PIGG: variants seen among roughly 807,000 people sequenced by gnomAD.
The protein encoded by PIGG is phosphatidylinositol glycan anchor biosynthesis class G (EMM blood group), also known as GPI ethanolamine phosphate transferase 2, catalytic subunit.
A neutral mutation model predicts 83.2 loss-of-function variants in PIGG; 70 were observed. The ratio of observed to expected loss-of-function variants is 0.84; its 90% confidence interval spans 0.69 to 1.03. PIGG has a LOEUF of 1.03. Among genes scored for constraint, PIGG ranks in the 50% least tolerant of loss-of-function variants. PIGG has a pLI of 0.00. For synonymous variants in PIGG, 532 were observed against 519.5 expected (o/e 1.02, Z -0.33); for missense variants, 1,257 against 1,233.6 (o/e 1.02, Z -0.28).
chr4:512,789 T>A (rs1388356327), intron 5 of PIGG, among the ~76,000 whole-genome samples: 1 of 152,044 alleles, frequency 6.6e-6, no homozygotes, highest in African/African-American at 2.4e-5. Context: ...CACTCCAGCT[T>A]GGCGACGGAG....
At chr4:524,336 C>CCTGAGG (rs906083691) in intron 9 of PIGG, among the ~76,000 whole-genome samples, 2 of 152,186 alleles carry the variant, frequency 1.3e-5, no homozygotes, top group African/African-American at 4.8e-5. Context: ...TAAAGAAACA[C>CCTGAGG]CTGAGGCCGG....
chr4:508,379 G>GGA (rs1720603883), intron 4 of PIGG, among the ~76,000 whole-genome samples: 1 of 152,246 alleles, frequency 6.6e-6, no homozygotes, highest in African/African-American at 2.4e-5. Flanking sequence ...AAGGATGTGT[G>GGA]GCTGCAACCC....
At chr4:512,772 A>AC (rs1722595366) in intron 5 of PIGG, among the ~76,000 whole-genome samples, 1 of 152,032 alleles carries the variant, frequency 6.6e-6, no homozygotes. Context: ...CCGAGATCGC[A>AC]CCACTGCACT....
chr4:503,866 A>ACT (rs1423117570), intron 2 of PIGG, among the ~76,000 whole-genome samples: 1 of 151,844 alleles, frequency 6.6e-6, no homozygotes, highest in Non-Finnish European at 1.5e-5. Context: ...ACACACACAC[A>ACT]CACACACACA....
At chr4:504,480 A>G (rs536819713) in intron 2 of PIGG, among the ~76,000 whole-genome samples, 2 of 152,326 alleles carry the variant, frequency 1.3e-5, no homozygotes, top group South Asian at 2.1e-4. Flanking sequence ...AATCTGTTCT[A>G]TAATTTTGGT....
At chr4:522,303 G>A in intron 8 of PIGG, 1 of 502,764 alleles carries the variant, frequency 2.0e-6, no homozygotes, top group Non-Finnish European at 3.6e-6. Flanking sequence ...TGTGGGAGCT[G>A]CAGCTGAGGG....
At chr4:500,983 A>G in intron 2 of PIGG, 1 of 389,256 alleles carries the variant, frequency 2.6e-6, no homozygotes, top group Non-Finnish European at 5.0e-6. Flanking sequence ...TATAGATAGG[A>G]AAGCAAACTC....
At position 528,360 on chromosome 4, in the gene PIGG, AGT is replaced by A; in HGVS notation, c.2261+1133_2261+1134del. 1.0e-6 allele frequency: 1 copy of A among 985,342 alleles called. No homozygotes were observed. Among genetic ancestry groups the A allele is most frequent in the Non-Finnish European group, 1.2e-6 (1 of 829,876 alleles). The allele number at this position is 985,342 out of a possible 1,614,324, so 61.0% of individuals were successfully genotyped here. On this transcript the variant is annotated intron_variant, in intron 10 of 12. Transcript: ENST00000453061. The surrounding 1 kb of genome is among the most constrained non-coding windows in gnomAD (Gnocchi z 4.8). ...ATCTTAGCGATGTCTAGAGTTAATA[AGT>A]GTTGCTTTTCTAATCACAGCAAGTC...
rs758654390 is a variant in PIGG, at chr4:530,694, T to C, written c.2520T>C (p.Ala840=). 1.9e-6 allele frequency: 3 copies of C among 1,613,726 alleles called. No individual in the cohort carries two copies. The African/African-American group carries it at 4.0e-5, about 22-fold the overall frequency. Residue 840 remains alanine, a synonymous_variant, in exon 11 of 13, where the codon GCT becomes GCC. Coordinates refer to ENST00000453061, the MANE Select transcript of PIGG (RefSeq NM_001127178.3). ...GGAAGCCCCTGAGACACGATGCAGC[T>C]GAGATTACTGTGATGCATTATTGGT... ...FIWKPLRHDA[A]EITVMHYWFG...
chr4:527,463 C>G, intron 10 of PIGG: 2 of 1,280,960 alleles, frequency 1.6e-6, no homozygotes, highest in East Asian at 6.3e-5. Context: ...TTATGTGTTA[C>G]TTTTAGGAGA....
At chr4:508,155 G>A (rs1720505514) in intron 4 of PIGG, among the ~76,000 whole-genome samples, 2 of 152,366 alleles carry the variant, frequency 1.3e-5, no homozygotes, top group South Asian at 2.1e-4. Flanking sequence ...GAGTAAATAA[G>A]TATGTGAGGA....
chr4:522,023 C>A, intron 8 of PIGG, 82 bp downstream of exon 8: 1 of 1,480,798 alleles, frequency 6.8e-7, no homozygotes, highest in South Asian at 1.1e-5. Context: ...CTTTCGTTTA[C>A]CAGACTCTGG....
At position 527,041 on chromosome 4, in the gene PIGG, C is replaced by T; in HGVS notation, c.2072C>T (p.Ser691Phe). The stretch of plus-strand genomic sequence containing the variant: ...TGGCATTTTCCATCTCATTTCAGCT[C>T]TGACCACAAAGCCGAGCTCTCTGTC... The part of the protein sequence containing the change: ...RPDLGHWLTS[S>F]DHKAELSVLA... The change falls in exon 10 of 13, where the codon TCT becomes TTT. Residue 691 changes from serine to phenylalanine, a missense_variant and splice_region_variant. By Grantham distance (155) the Ser-to-Phe change is radical. Coordinates refer to ENST00000453061, the MANE Select transcript of PIGG (RefSeq NM_001127178.3). 1 of 1,614,184 alleles carries T rather than the reference C, an allele frequency of 6.2e-7. No homozygotes were observed. Among genetic ancestry groups the T allele is most frequent in the Non-Finnish European group, 8.5e-7 (1 of 1,180,024 alleles).
chr4:534,091 C>A, intron 12 of PIGG, 110 bp downstream of exon 12: 1 of 891,672 alleles, frequency 1.1e-6, no homozygotes, highest in Non-Finnish European at 1.7e-6. Flanking sequence ...GTCCAACAGT[C>A]TTTTCAACAG....
intron 12 of PIGG, among the ~76,000 whole-genome samples, chr4:537,970 C>G (rs551872417): frequency 5.9e-5 from 9 of 151,638 alleles, no homozygotes; most frequent in Admixed American, 3.3e-4. Context: ...CTGAGGAGCC[C>G]TTTACAGGAC....
At chr4:506,416 A>G (rs1463413246) in intron 3 of PIGG, among the ~76,000 whole-genome samples, 3 of 152,192 alleles carry the variant, frequency 2.0e-5, no homozygotes, top group African/African-American at 7.2e-5. Flanking sequence ...TCCAACAAAA[A>G]TTAGACCTGC....
intron 6 of PIGG, among the ~76,000 whole-genome samples, chr4:518,772 C>G (rs371671104): frequency 3.9e-5 from 6 of 152,154 alleles, no homozygotes; most frequent in Middle Eastern, 6.8e-3. Flanking sequence ...CGTCTGGAAC[C>G]CCCCCTGGCG....
chr4:505,353 T>C (rs1204710610), intron 2 of PIGG, among the ~76,000 whole-genome samples: 3 of 151,110 alleles, frequency 2.0e-5, no homozygotes, highest in East Asian at 3.9e-4. Flanking sequence ...GTCCTAACAT[T>C]GACCCAGCCA....
chr4:520,958 G>A (rs1725666131), intron 6 of PIGG, 98 bp from the exon 7 acceptor site: 2 of 821,484 alleles, frequency 2.4e-6, no homozygotes, highest in African/African-American at 1.7e-5. Flanking sequence ...TGAAGGCTTT[G>A]CCGTGTGCCA....
Sources: gnomAD v4.1 joint callset for allele counts (sites outside exome capture counted in the v4.1 genomes callset) on GRCh38, gnomAD v4.1.1 for gene constraint, Gnocchi (gnomAD v3.1) non-coding constraint, MANE v1.5 for transcripts, NCBI Gene and HGNC (gene_info 2026-07-23, HGNC 2026-07-21) for gene names.